Variants in JPH2 observed in about 807,000 individuals in gnomAD.
JPH2 encodes junctophilin-2.
In JPH2, 38 loss-of-function variants were observed where a neutral mutation model predicts 55.9. That is an observed-to-expected ratio of 0.68 (90% CI 0.52 to 0.89). JPH2 has a LOEUF of 0.89. Ranked by LOEUF, JPH2 falls within the 40% of genes least tolerant of loss-of-function variation. The pLI, the probability that JPH2 is intolerant of heterozygous loss-of-function variation, is 0.00. For missense variants in JPH2, 964 were observed against 1,037.6 expected (o/e 0.93, Z 0.97); for synonymous variants, 480 against 472.4 (o/e 1.02, Z -0.21).
At chr20:44,131,353 C>T (rs2072316942) in intron 2 of JPH2, among the ~76,000 whole-genome samples, 1 of 152,186 alleles carries the variant, frequency 6.6e-6, no homozygotes, top group Admixed American at 6.5e-5. Context: ...TCAGATGAGA[C>T]CACAGCCCTG....
At position 44,186,672 on chromosome 20, in the gene JPH2, C is replaced by T. The variant is rs777704623; in HGVS notation, c.34G>A (p.Gly12Arg). Residue 12 changes from glycine to arginine, a missense_variant, in exon 1 of 6, where the codon GGG (glycine) becomes AGG (arginine). By Grantham distance (125) the Gly-to-Arg change is moderately radical. Transcript: ENST00000372980. ...SGGRFDFDDG[G>R]AYCGGWEGGK... Reference sequence around the variant, plus strand: ...CCCTCCCAGCCCCCGCAGTACGCCCCTCCATCATCAAAGTCGAAGCGGCCC... The same window carrying T: ...CCCTCCCAGCCCCCGCAGTACGCCCTTCCATCATCAAAGTCGAAGCGGCCC... 2 of 1,603,318 alleles carry T rather than the reference C, an allele frequency of 1.2e-6. No individual in the cohort carries two copies. Among genetic ancestry groups the T allele is most frequent in the Admixed American group, 1.7e-5 (1 of 60,010 alleles).
intron 1 of JPH2, among the ~76,000 whole-genome samples, chr20:44,181,648 C>G (rs779991701): frequency 2.6e-5 from 4 of 152,224 alleles, no homozygotes; most frequent in Non-Finnish European, 5.9e-5. Context: ...TATCTCCTAG[C>G]TGGATGGCAA....
intron 2 of JPH2, among the ~76,000 whole-genome samples, chr20:44,158,297 A>G (rs1009726903): frequency 2.6e-5 from 4 of 152,184 alleles, no homozygotes; most frequent in African/African-American, 9.7e-5. Flanking sequence ...GCTCTGTGGC[A>G]GGAGGAACTA....
chr20:44,141,631 GA>G (rs981594615), intron 2 of JPH2, among the ~76,000 whole-genome samples: 4 of 152,020 alleles, frequency 2.6e-5, no homozygotes, highest in Non-Finnish European at 5.9e-5. Context: ...GTGTAGCTGG[GA>G]CTACAGGTGC....
intron 3 of JPH2, among the ~76,000 whole-genome samples, chr20:44,117,009 G>A (rs1330036711): frequency 6.6e-6 from 1 of 152,204 alleles, no homozygotes; most frequent in Non-Finnish European, 1.5e-5. Flanking sequence ...GGCTGGGCGC[G>A]GTGGCTCACG....
chr20:44,166,748 A>G (rs1424066604), intron 1 of JPH2, among the ~76,000 whole-genome samples: 1 of 152,188 alleles, frequency 6.6e-6, no homozygotes, highest in African/African-American at 2.4e-5. Context: ...GACAGGAAGA[A>G]TGCATCCACA....
intron 2 of JPH2, among the ~76,000 whole-genome samples, chr20:44,130,714 A>C (rs6031410): frequency 0.29 from 44,418 of 152,172 alleles, 6,768 homozygotes; most frequent in Admixed American, 0.44. Context: ...TACAAACTAT[A>C]AAAACCATTA....
intron 2 of JPH2, among the ~76,000 whole-genome samples, chr20:44,156,288 A>G (rs1569208034): frequency 6.6e-6 from 1 of 152,194 alleles, no homozygotes; most frequent in Non-Finnish European, 1.5e-5. Context: ...AATAGGGGAA[A>G]ATGGGTAGAG....
At chr20:44,177,295 G>A (rs1355019151) in intron 1 of JPH2, 1 of 985,862 alleles carries the variant, frequency 1.0e-6, no homozygotes, top group Non-Finnish European at 1.2e-6. Flanking sequence ...CTCAGAAAAT[G>A]AGACTCGGCA....
intron 2 of JPH2, 111 bp from the exon 3 acceptor site, chr20:44,118,734 G>C: frequency 1.2e-6 from 1 of 847,904 alleles, no homozygotes. Context: ...TTTCACGCAG[G>C]CAGTCAATGA....
rs1027675363 is a variant in JPH2, at chr20:44,159,857, A to T, written c.930T>A (p.Ser310Arg). The change falls in exon 2 of 6, where the codon AGT becomes AGA. Residue 310 changes from serine to arginine, a missense_variant. Coordinates refer to ENST00000372980, the MANE Select transcript of JPH2 (RefSeq NM_020433.5). The surrounding 1 kb of genome is among the most constrained non-coding windows in gnomAD (Gnocchi z 5.7). ...GCCACTCGCCCTCGTAGCGGAGGCC[A>T]CTGGAGCGTTCGCTCACGCCGAAGC... ...RSGFGVSERS[S>R]GLRYEGEWLD... is the part of the protein sequence containing the mutation. The T allele has an allele frequency of 6.2e-7, 1 of 1,612,308 alleles. No homozygotes were observed. Among genetic ancestry groups the T allele is most frequent in the South Asian group, 1.1e-5 (1 of 91,038 alleles).
chr20:44,177,428 C>A, intron 1 of JPH2: 14 of 990,272 alleles, frequency 1.4e-5, no homozygotes, highest in Non-Finnish European at 1.6e-5. Flanking sequence ...GACAGGGGCA[C>A]GTCTGCAGAG....
chr20:44,166,907 G>T (rs1472792923), intron 1 of JPH2, among the ~76,000 whole-genome samples: 1 of 152,160 alleles, frequency 6.6e-6, no homozygotes. Context: ...AGGAAACGGG[G>T]GAGATCCCCA....
rs572123512 is a variant in JPH2 at position 44,159,652 on chromosome 20, T to C, written c.1135A>G (p.Ile379Val). 1.1e-5 allele frequency: 18 copies of C among 1,608,536 alleles called. No individual in the cohort carries two copies. In the East Asian group the frequency reaches 3.8e-4, roughly 34 times the overall value. ...GCAATCTCGGCCTTCTGGCGCGCGA[T>C]AGCAGCGGCGCGCTGGGCACCCTCC... The part of the protein sequence containing the change: ...SVEGAQRAAA[I>V]ARQKAEIAAS... The change falls in exon 2 of 6, where the codon ATC (isoleucine) becomes GTC (valine). Residue 379 changes from isoleucine (I) to valine (V), a missense_variant. Transcript: ENST00000372980. This position sits in a 1 kb window ranked among gnomAD's most constrained non-coding sequence, Gnocchi z 5.7.
chr20:44,117,799 G>GTGCTCA (rs1194359957), intron 3 of JPH2, among the ~76,000 whole-genome samples: 27 of 152,298 alleles, frequency 1.8e-4, no homozygotes, highest in Non-Finnish European at 2.2e-4. Context: ...TAACCGCACA[G>GTGCTCA]TGCTCATCCT....
chr20:44,116,147 C>T lies in JPH2; in HGVS notation c.1528G>A (p.Gly510Ser). ...GVSKDGLLSP[G>S]AWNGEPSGEG... ...CCGCTGGGCTCGCCGTTCCAGGCGC[C>T]TGGGCTCAGCAGGCCGTCCTTGGAC... Residue 510 changes from glycine (G) to serine (S), a missense_variant, in exon 4 of 6, where the codon GGC (glycine) becomes AGC (serine). By Grantham distance (56) the Gly-to-Ser change is moderately conservative (BLOSUM62 0). Coordinates refer to ENST00000372980, the MANE Select transcript of JPH2 (RefSeq NM_020433.5). The T allele has an allele frequency of 7.0e-7, 1 of 1,431,150 alleles. No homozygotes were observed. The allele number at this position is 1,431,150 out of a possible 1,614,324, so 88.7% of individuals were successfully genotyped here.
chr20:44,142,554 CT>C (rs1356350152), intron 2 of JPH2, among the ~76,000 whole-genome samples: 1 of 152,224 alleles, frequency 6.6e-6, no homozygotes, highest in Admixed American at 6.5e-5. Flanking sequence ...ACGCAGCCCC[CT>C]GGCCAGCTCT....
At position 44,160,525 on chromosome 20, in the gene JPH2, G is replaced by A. The variant is rs1377545414; in HGVS notation, c.380-118C>T. 2.0e-6 allele frequency: 2 copies of A among 1,011,140 alleles called. No individual in the cohort carries two copies. The highest frequency in any genetic ancestry group is 2.6e-5 in the East Asian group (1 of 38,668). The allele number at this position is 1,011,140 out of a possible 1,614,324, so 62.6% of individuals were successfully genotyped here. On this transcript the variant is annotated intron_variant, in intron 1 of 5. Coordinates refer to ENST00000372980, the MANE Select transcript of JPH2 (RefSeq NM_020433.5). This position sits in a 1 kb window ranked among gnomAD's most constrained non-coding sequence, Gnocchi z 4.9. ...GCGGGGTGGGACCGAGAGGCGCAAG[G>A]CCGTCTGAGGGTCAGGGTGCACAGT...
intron 2 of JPH2, among the ~76,000 whole-genome samples, chr20:44,134,724 ATTT>A (rs1337711107): frequency 2.2e-4 from 17 of 75,840 alleles, no homozygotes; most frequent in African/African-American, 8.7e-4. Context: ...ATAAATATAT[ATTT>A]ATTATAAATA....
Sources: gnomAD v4.1 joint callset for allele counts (sites outside exome capture counted in the v4.1 genomes callset) on GRCh38, gnomAD v4.1.1 for gene constraint, Gnocchi (gnomAD v3.1) non-coding constraint, MANE v1.5 for transcripts, NCBI Gene and HGNC (gene_info 2026-07-23, HGNC 2026-07-21) for gene names.